The following SCN8A variants were observed in gnomAD, a reference collection of about 807,000 sequenced individuals.
SCN8A encodes sodium channel protein type 8 subunit alpha.
Under a neutral mutation model 184.1 loss-of-function variants are expected in SCN8A, and 30 were observed. The ratio of observed to expected loss-of-function variants is 0.16; its 90% confidence interval spans 0.12 to 0.22. SCN8A has a LOEUF of 0.22. SCN8A is among the 10% of genes least tolerant of loss of function. The pLI, the probability that SCN8A is intolerant of heterozygous loss-of-function variation, is 1.00. For missense variants in SCN8A, 1,057 were observed against 2,498.9 expected (o/e 0.42, Z 12.30); for synonymous variants, 852 against 907.0 (o/e 0.94, Z 1.09).
At chr12:51,608,301 C>T (rs545871508) in intron 1 of SCN8A, among the ~76,000 whole-genome samples, 15 of 152,064 alleles carry the variant, frequency 9.9e-5, no homozygotes, top group Non-Finnish European at 2.2e-4. Context: ...TGAGCCACCG[C>T]GCCTGGCCTG....
intron 1 of SCN8A, among the ~76,000 whole-genome samples, chr12:51,623,403 A>G (rs944439656): frequency 6.6e-6 from 1 of 152,108 alleles, no homozygotes; most frequent in African/African-American, 2.4e-5. Flanking sequence ...GCAGATCTGC[A>G]TTTCACTCTC....
chr12:51,739,599 C>G (rs534934588), intron 12 of SCN8A, among the ~76,000 whole-genome samples: 16 of 152,304 alleles, frequency 1.1e-4, no homozygotes, highest in East Asian at 1.9e-4. Flanking sequence ...GACCCCATCC[C>G]TGTCCCATTG....
intron 1 of SCN8A, among the ~76,000 whole-genome samples, chr12:51,649,701 C>A (rs1940668390): frequency 6.6e-6 from 1 of 152,114 alleles, no homozygotes; most frequent in Admixed American, 6.5e-5. Context: ...GCATGGGGAC[C>A]CTGGGCCCAG....
At chr12:51,632,636 A>G (rs2138617380) in intron 1 of SCN8A, among the ~76,000 whole-genome samples, 1 of 152,278 alleles carries the variant, frequency 6.6e-6, no homozygotes, top group South Asian at 2.1e-4. Flanking sequence ...GGTATCTCTA[A>G]ATTTGCTCAT....
At chr12:51,776,660 T>A (rs774600203) in intron 20 of SCN8A, among the ~76,000 whole-genome samples, 1 of 152,200 alleles carries the variant, frequency 6.6e-6, no homozygotes, top group Non-Finnish European at 1.5e-5. Flanking sequence ...CGCTTTTGAA[T>A]TGTGGATGAA....
At chr12:51,699,495 G>C (rs1367461877) in intron 6 of SCN8A, 75 bp from the exon 7 acceptor site, 1 of 1,102,054 alleles carries the variant, frequency 9.1e-7, no homozygotes, top group Non-Finnish European at 1.3e-6. Context: ...GTAGCAGCCA[G>C]TGGCTAAGAG....
At chr12:51,725,159 C>CT (rs1232779380) in intron 12 of SCN8A, among the ~76,000 whole-genome samples, 41 of 152,222 alleles carry the variant, frequency 2.7e-4, no homozygotes, top group African/African-American at 9.6e-4. Flanking sequence ...CTAGGAAAAA[C>CT]TATTTTTATT....
intron 13 of SCN8A, among the ~76,000 whole-genome samples, chr12:51,749,068 C>T (rs902919348): frequency 6.6e-6 from 1 of 152,218 alleles, no homozygotes; most frequent in Non-Finnish European, 1.5e-5. Flanking sequence ...AACCCATTCC[C>T]CCAAGCCAAA....
intron 12 of SCN8A, among the ~76,000 whole-genome samples, chr12:51,724,162 T>G (rs1481868528): frequency 6.6e-6 from 1 of 152,126 alleles, no homozygotes; most frequent in African/African-American, 2.4e-5. Flanking sequence ...TAATAAACAG[T>G]GGGCCGGGCA....
At chr12:51,648,214 G>T (rs1940633394) in intron 1 of SCN8A, among the ~76,000 whole-genome samples, 1 of 152,184 alleles carries the variant, frequency 6.6e-6, no homozygotes, top group Middle Eastern at 3.2e-3. Flanking sequence ...GGAAAAGATA[G>T]AGTCTCACTA....
At chr12:51,609,897 C>T (rs1033826396) in intron 1 of SCN8A, among the ~76,000 whole-genome samples, 30 of 151,604 alleles carry the variant, frequency 2.0e-4, no homozygotes, top group Admixed American at 3.3e-4. Context: ...GGGTGCAGCA[C>T]ACCAACATGG....
At chr12:51,692,292 GAT>G (rs1371361083) in intron 6 of SCN8A, among the ~76,000 whole-genome samples, 1 of 152,174 alleles carries the variant, frequency 6.6e-6, no homozygotes, top group East Asian at 1.9e-4. Flanking sequence ...AACCTGGGCT[GAT>G]ACTGTCCTTC....
chr12:51,655,548 A>G (rs1270826502), intron 1 of SCN8A, among the ~76,000 whole-genome samples: 1 of 151,756 alleles, frequency 6.6e-6, no homozygotes, highest in Non-Finnish European at 1.5e-5. Context: ...AAATTTTTTT[A>G]CTTTTTGTAG....
At chr12:51,769,470 A>C in intron 17 of SCN8A, 135 bp downstream of exon 17, 1 of 638,530 alleles carries the variant, frequency 1.6e-6, no homozygotes, top group Non-Finnish European at 2.7e-6. Context: ...AACTAATTCC[A>C]CCATCCCAGT....
chr12:51,673,651 C>T (rs926772476), intron 2 of SCN8A, among the ~76,000 whole-genome samples: 2 of 152,192 alleles, frequency 1.3e-5, no homozygotes, highest in East Asian at 3.9e-4. Flanking sequence ...ATTCAACAAA[C>T]ATGTATGAAC....
intron 12 of SCN8A, among the ~76,000 whole-genome samples, chr12:51,736,718 T>C (rs1942331921): frequency 6.6e-6 from 1 of 152,158 alleles, no homozygotes; most frequent in Non-Finnish European, 1.5e-5. Context: ...TGCAGTTGGG[T>C]AAATAAAGTC....
chr12:51,739,070 T>TA (rs1944511287), intron 12 of SCN8A, among the ~76,000 whole-genome samples: 3 of 152,210 alleles, frequency 2.0e-5, no homozygotes, highest in South Asian at 4.1e-4. Context: ...TTCCTTTTTT[T>TA]ATATGTTGGA....
intron 25 of SCN8A, among the ~76,000 whole-genome samples, chr12:51,791,201 C>T (rs1203744632): frequency 6.6e-6 from 1 of 152,138 alleles, no homozygotes; most frequent in Admixed American, 6.5e-5. Context: ...CTTTAAAAAA[C>T]AGACACAACA....
chr12:51,796,739 C>G (rs1368283025), intron 26 of SCN8A, among the ~76,000 whole-genome samples: 1 of 152,160 alleles, frequency 6.6e-6, no homozygotes, highest in African/African-American at 2.4e-5. Context: ...ACAGTGCAGC[C>G]TTTGGTCTGG....
Sources: allele counts gnomAD v4.1 joint callset (sites outside exome capture counted in the v4.1 genomes callset), GRCh38; gene constraint gnomAD v4.1.1; transcripts MANE v1.5; gene names NCBI Gene and HGNC (gene_info 2026-07-23, HGNC 2026-07-21).